Variants in CUL5 observed in about 807,000 individuals in gnomAD.
The protein encoded by CUL5 is cullin-5.
In CUL5, 26 loss-of-function variants were observed where a neutral mutation model predicts 108.8. That is an observed-to-expected ratio of 0.24 (90% CI 0.18 to 0.33). The LOEUF (loss-of-function observed/expected upper bound fraction) is 0.33. CUL5 is among the 10% of genes least tolerant of loss of function. The pLI is 1.00. For missense variants in CUL5, 524 were observed against 909.2 expected, an observed-to-expected ratio of 0.58 and a Z score of 5.45; for synonymous variants, 334 against 298.0, an observed-to-expected ratio of 1.12 and a Z score of -1.25.
chr11:108,097,204 C>T (rs1001514686), intron 16 of CUL5, among the ~76,000 whole-genome samples: 2 of 152,108 alleles, frequency 1.3e-5, no homozygotes, highest in Non-Finnish European at 2.9e-5. Context: ...TCAGTAGAGA[C>T]GGGGTTTTGC....
intron 8 of CUL5, among the ~76,000 whole-genome samples, chr11:108,071,649 C>T (rs937252178): frequency 2.0e-5 from 3 of 152,154 alleles, no homozygotes; most frequent in Admixed American, 6.6e-5. Context: ...TGGGCTTAGG[C>T]ATTCCTCACA....
intron 1 of CUL5, among the ~76,000 whole-genome samples, chr11:108,012,977 T>A (rs1049381214): frequency 1.3e-5 from 2 of 152,122 alleles, no homozygotes; most frequent in Admixed American, 6.5e-5. Flanking sequence ...CAGCCCCCAT[T>A]TGCTGCCTTT....
At chr11:108,025,670 C>T (rs2135064927) in intron 1 of CUL5, among the ~76,000 whole-genome samples, 1 of 152,256 alleles carries the variant, frequency 6.6e-6, no homozygotes, top group Non-Finnish European at 1.5e-5. Context: ...ATTCCCATTC[C>T]TTCCTAATGG....
intron 7 of CUL5, among the ~76,000 whole-genome samples, chr11:108,068,528 A>G (rs1431051971): frequency 1.3e-5 from 2 of 152,232 alleles, no homozygotes; most frequent in African/African-American, 2.4e-5. Context: ...ATGAATCCCC[A>G]TTACCTAAAT....
chr11:108,073,331 C>A, intron 9 of CUL5, 59 bp from the exon 10 acceptor site: 1 of 741,526 alleles, frequency 1.3e-6, no homozygotes, highest in East Asian at 3.0e-5. Context: ...TTTATTTTCT[C>A]ATTTTTTTGT....
chr11:108,096,662 G>T (rs1183155932), intron 16 of CUL5, among the ~76,000 whole-genome samples: 1 of 142,302 alleles, frequency 7.0e-6, no homozygotes, highest in East Asian at 2.2e-4. Flanking sequence ...CGCCTCCAGG[G>T]TTTAAGCGAT....
intron 1 of CUL5, among the ~76,000 whole-genome samples, chr11:108,014,548 G>A (rs960856646): frequency 6.6e-6 from 1 of 152,168 alleles, no homozygotes; most frequent in African/African-American, 2.4e-5. Context: ...ATAAATAAAA[G>A]TTATTATATT....
intron 18 of CUL5, among the ~76,000 whole-genome samples, chr11:108,100,202 TA>T (rs1443853568): frequency 2.0e-5 from 3 of 152,138 alleles, no homozygotes; most frequent in African/African-American, 7.2e-5. Context: ...GAAAATATTT[TA>T]AAAATCTGTA....
intron 11 of CUL5, among the ~76,000 whole-genome samples, 195 bp from the exon 12 acceptor site, chr11:108,088,332 C>T (rs1465143232): frequency 1.3e-5 from 2 of 152,196 alleles, no homozygotes; most frequent in African/African-American, 4.8e-5. Context: ...GCAAGTGCAG[C>T]ATCAGCACTT....
intron 8 of CUL5, 97 bp downstream of exon 8, chr11:108,070,286 A>G (rs1863788055): frequency 6.0e-6 from 5 of 832,284 alleles, no homozygotes; most frequent in Admixed American, 6.0e-5. Context: ...TCTTTTCCAC[A>G]TAGGTATATG....
At chr11:108,090,556 C>T (rs779273396) in intron 13 of CUL5, among the ~76,000 whole-genome samples, 2 of 152,010 alleles carry the variant, frequency 1.3e-5, no homozygotes, top group Non-Finnish European at 2.9e-5. Flanking sequence ...ATTTTCAGTA[C>T]TAAATGCTTA....
rs767323849 is a variant in CUL5, at chr11:108,009,299, G to A, written c.-50G>A. On this transcript the variant is annotated 5_prime_UTR_variant, in exon 1 of 19. Coordinates refer to ENST00000393094, the MANE Select transcript of CUL5 (RefSeq NM_003478.6). The stretch of plus-strand genomic sequence containing the variant: ...CCGGCCTCCGGTCAAGGCCTGGCCG[G>A]GAGCGCCACGAATTCTCGCGTCGTC... 6.2e-7 allele frequency: 1 copy of A among 1,609,716 alleles called. No individual in the cohort carries two copies. Among genetic ancestry groups the A allele is most frequent in the South Asian group, 1.1e-5 (1 of 90,538 alleles).
rs548538618 is a variant in CUL5 at position 108,069,673 on chromosome 11, A to G, written c.781-423A>G. On this transcript the variant is annotated intron_variant, in intron 7 of 18. Transcript: ENST00000393094. Reference sequence around the variant, plus strand: ...TGATCTCTTCGAGAGCAGGAATTATATCTTATTCTTGTCTCTTAAATACTT... The same window carrying G: ...TGATCTCTTCGAGAGCAGGAATTATGTCTTATTCTTGTCTCTTAAATACTT... Among the ~76,000 whole-genome samples the G allele has an allele frequency of 1.5e-4, 23 of 152,308 alleles. No homozygotes were observed. In the South Asian group the frequency reaches 1.7e-3, roughly 11 times the overall value.
chr11:108,038,541 G>C (rs574619668), intron 2 of CUL5, among the ~76,000 whole-genome samples: 32 of 152,078 alleles, frequency 2.1e-4, no homozygotes, highest in Non-Finnish European at 3.8e-4. Flanking sequence ...TGAGTGCGGT[G>C]GTGGGCCTCA....
intron 12 of CUL5, 39 bp from the exon 13 acceptor site, chr11:108,089,453 A>C: frequency 1.4e-6 from 2 of 1,448,336 alleles, no homozygotes; most frequent in South Asian, 1.4e-5. Flanking sequence ...AGATGGTAAG[A>C]GTATATAAGA....
intron 1 of CUL5, among the ~76,000 whole-genome samples, chr11:108,017,959 T>C (rs955539531): frequency 2.6e-5 from 4 of 152,250 alleles, no homozygotes; most frequent in African/African-American, 9.6e-5. Context: ...AATGTTCTTT[T>C]TCTTCCTCAT....
In CUL5 at chr11:108,097,738, C is replaced by G. The variant is rs1864535257; in HGVS notation, c.2008C>G (p.Gln670Glu). ...FTEGTLFSVN[Q>E]EFSLIKNAKV... ...AGAAGGTACCCTCTTCTCAGTGAAC[C>G]AGGAGTTCAGTTTAATGTAAGCTCG... The change falls in exon 17 of 19, where the codon CAG becomes GAG. Residue 670 changes from glutamine to glutamate, a missense_variant. By Grantham distance (29) the Gln-to-Glu change is conservative (BLOSUM62 2). This residue lies in a region of CUL5 where 66 missense variants were observed against 81.4 expected (regional missense o/e 0.81). Transcript: ENST00000393094. 2 of 1,590,974 alleles carry G rather than the reference C, an allele frequency of 1.3e-6. No individual in the cohort carries two copies. Among genetic ancestry groups the G allele is most frequent in the South Asian group, 1.1e-5 (1 of 90,426 alleles).
At chr11:108,016,917 G>A (rs1046455275) in intron 1 of CUL5, among the ~76,000 whole-genome samples, 7 of 152,206 alleles carry the variant, frequency 4.6e-5, no homozygotes, top group Non-Finnish European at 1.0e-4. Flanking sequence ...TTGAGGCCAG[G>A]AGTTGGAGAC....
chr11:108,101,149 T>A (rs1281559772), intron 18 of CUL5, among the ~76,000 whole-genome samples: 1 of 152,278 alleles, frequency 6.6e-6, no homozygotes, highest in Non-Finnish European at 1.5e-5. Context: ...TAATCTAAGC[T>A]GTCTTTAGGT....
Sources: allele counts gnomAD v4.1 joint callset (sites outside exome capture counted in the v4.1 genomes callset), GRCh38; gene constraint gnomAD v4.1.1; regional missense constraint gnomAD v4.1.1; transcripts MANE v1.5; gene names NCBI Gene and HGNC (gene_info 2026-07-23, HGNC 2026-07-21).